The following A2ML1 variants were observed in gnomAD, a reference collection of about 807,000 sequenced individuals.
A2ML1 encodes the protein alpha-2-macroglobulin like 1.
A2ML1 carries 161 observed loss-of-function variants against 181.9 expected under a neutral mutation model. That is an observed-to-expected ratio of 0.89 (90% confidence interval 0.78 to 1.01). The LOEUF is 1.01. A2ML1 is among the 50% of genes least tolerant of loss of function. The pLI is 0.00. For synonymous variants in A2ML1, 663 were observed against 666.8 expected, an observed-to-expected ratio of 0.99 and a Z score of 0.09; for missense variants, 1,670 against 1,768.1, an observed-to-expected ratio of 0.94 and a Z score of 1.00.
chr12:8,867,888 C>T lies in A2ML1; in HGVS notation c.3764C>T (p.Ala1255Val). The T allele has an allele frequency of 6.2e-7, 1 of 1,614,238 alleles. No homozygotes were observed. The highest frequency in any genetic ancestry group is 1.1e-5 in the South Asian group (1 of 91,082). The change falls in exon 30 of 36, where the codon GCC becomes GTC. Residue 1255 changes from alanine (A) to valine (V), a missense_variant. By Grantham distance (64) the Ala-to-Val change is moderately conservative. Transcript: ENST00000299698. ...LQALAKYATT[A>V]YMPSEEINLV... ...GCTCTTGCCAAATATGCCACTACCG[C>T]CTACATGCCATCTGAGGAGATCAAC...
chr12:8,874,560 TC>T (rs1310728560), intron 34 of A2ML1, 33 bp downstream of exon 34: 2 of 1,526,100 alleles, frequency 1.3e-6, no homozygotes, highest in Non-Finnish European at 1.8e-6. Flanking sequence ...AGATCTGAGA[TC>T]TTACCTGCAT....
intron 3 of A2ML1, 137 bp downstream of exon 3, chr12:8,824,019 G>C: frequency 1.0e-6 from 1 of 974,654 alleles, no homozygotes; most frequent in Non-Finnish European, 1.4e-6. Context: ...GGGGGATTAA[G>C]TAGTGCAAGT....
Position 8,850,200 on chromosome 12 carries a change from T to A in A2ML1, c.2160T>A (p.Pro720=). 1 of 1,613,406 alleles carries A rather than the reference T, an allele frequency of 6.2e-7. No homozygotes were observed. Among genetic ancestry groups the A allele is most frequent in the Non-Finnish European group, 8.5e-7 (1 of 1,179,814 alleles). ...GHPEAFESST[P]LHQAEDSQVR... ...CAGAGGCTTTTGAGTCATCAACTCC[T>A]TTACATCAAGCAGAGGATTCTCAGG... The change falls in exon 18 of 36, where the codon CCT becomes CCA. Residue 720 remains proline (P), a synonymous_variant. Coordinates refer to ENST00000299698, the MANE Select transcript of A2ML1 (RefSeq NM_144670.6).
At chr12:8,834,625 CCTT>C in intron 4 of A2ML1, 34 bp from the exon 5 acceptor site, 1 of 1,611,920 alleles carries the variant, frequency 6.2e-7, no homozygotes, top group Non-Finnish European at 8.5e-7. Context: ...TTGCTGTCAA[CCTT>C]CTTTAACCCG....
chr12:8,860,942 G>A lies in A2ML1; in HGVS notation c.3326G>A (p.Gly1109Glu), dbSNP rs1944238769. Residue 1109 changes from glycine (G) to glutamate (E), a missense_variant, in exon 27 of 36, where the codon GGA (glycine) becomes GAA (glutamate). By Grantham distance (98) the Gly-to-Glu change is moderately conservative. Transcript: ENST00000299698. ...AYVTAALLEM[G>E]KDVDDPMVSQ... ...GTCACAGCTGCATTGCTGGAGATGG[G>A]AAAGGATGTAGATGTAAGTTCTCCT... is the stretch of plus-strand genomic sequence containing the variant. 3 of 1,613,958 alleles carry A rather than the reference G, an allele frequency of 1.9e-6. No individual in the cohort carries two copies. The highest frequency in any genetic ancestry group is 1.1e-5 in the South Asian group (1 of 91,086).
chr12:8,852,410 C>T lies in A2ML1; in HGVS notation c.2590+74C>T. ...CCAGTGACTGAGCACTCAGTCTTTT[C>T]CTCTGCCACATCTGCTTTGCTTCCT... On this transcript the variant is annotated intron_variant, in intron 20 of 35. Transcript: ENST00000299698. The surrounding 1 kb of genome is among the most constrained non-coding windows in gnomAD (Gnocchi z 4.2). 1 of 1,587,886 alleles carries T rather than the reference C, an allele frequency of 6.3e-7. No homozygotes were observed. Among genetic ancestry groups the T allele is most frequent in the Non-Finnish European group, 8.6e-7 (1 of 1,164,108 alleles).
chr12:8,836,921 C>T lies in A2ML1; in HGVS notation c.729-519C>T, dbSNP rs113039059. ...TCAGGAGAAAGAAAGATACTGTTTC[C>T]GTCCTTAGTATGGTGCTAATTGTGG... On this transcript the variant is annotated intron_variant, in intron 7 of 35. Transcript: ENST00000299698. Among the ~76,000 whole-genome samples, 811 of 152,240 alleles carry T rather than the reference C, an allele frequency of 5.3e-3. 11 individuals are homozygous for T. The highest frequency in any genetic ancestry group is 0.01 in the Middle Eastern group (3 of 294).
At chr12:8,862,445 G>A (rs1017196334) in intron 28 of A2ML1, among the ~76,000 whole-genome samples, 49 of 152,186 alleles carry the variant, frequency 3.2e-4, no homozygotes, top group African/African-American at 1.2e-3. Flanking sequence ...CAAGTGATCC[G>A]CCCCTCTTGG....
chr12:8,879,518 C>G (rs1944849554), downstream of A2ML1, among the ~76,000 whole-genome samples: 2 of 151,872 alleles, frequency 1.3e-5, no homozygotes, highest in Admixed American at 1.3e-4. Context: ...TAGTCATGAT[C>G]ATGAAAGCCC....
intron 7 of A2ML1, among the ~76,000 whole-genome samples, chr12:8,885,782 A>C (rs1944916014): frequency 6.6e-6 from 1 of 152,066 alleles, no homozygotes; most frequent in Admixed American, 6.6e-5. Context: ...TTTTTGTTTT[A>C]ATTTTATCTG....
intron 12 of A2ML1, among the ~76,000 whole-genome samples, chr12:8,844,434 A>G (rs557764804): frequency 2.0e-5 from 3 of 152,228 alleles, no homozygotes; most frequent in East Asian, 1.9e-4. Context: ...CCATTGGTCA[A>G]TATTATCAAA....
intron 18 of A2ML1, among the ~76,000 whole-genome samples, chr12:8,850,526 T>G (rs887436432): frequency 6.6e-6 from 1 of 152,000 alleles, no homozygotes; most frequent in Non-Finnish European, 1.5e-5. Flanking sequence ...TGAAGCAAGA[T>G]CACATTGCTT....
At chr12:8,832,143 CA>C (rs936258931) in intron 4 of A2ML1, among the ~76,000 whole-genome samples, 1 of 151,946 alleles carries the variant, frequency 6.6e-6, no homozygotes, top group African/African-American at 2.4e-5. Flanking sequence ...CATAGATGGT[CA>C]AAGTGAGGTT....
chr12:8,849,860 C>G (rs933753014), intron 17 of A2ML1, 101 bp downstream of exon 17: 5 of 1,080,918 alleles, frequency 4.6e-6, no homozygotes, highest in African/African-American at 3.1e-5. Flanking sequence ...GCCTCTAGCC[C>G]GAGAATGCTA....
chr12:8,839,155 A>T lies in A2ML1; in HGVS notation c.1013A>T (p.Gln338Leu). The change falls in exon 10 of 36, where the codon CAA becomes CTA. Residue 338 changes from glutamine to leucine, a missense_variant. By Grantham distance (113) the Gln-to-Leu change is moderately radical. Coordinates refer to ENST00000299698, the MANE Select transcript of A2ML1 (RefSeq NM_144670.6). ...NATQNIYISP[Q>L]MGSMTFEDTS... ...ACTCAGAATATCTACATTTCTCCAC[A>T]AATGGGATCAATGACCTTTGAAGAC... is the stretch of plus-strand genomic sequence containing the variant. 6.2e-7 allele frequency: 1 copy of T among 1,613,684 alleles called. No individual in the cohort carries two copies. The highest frequency in any genetic ancestry group is 8.5e-7 in the Non-Finnish European group (1 of 1,179,710).
At chr12:8,834,812 A>G in intron 5 of A2ML1, 130 bp downstream of exon 5, 1 of 1,109,492 alleles carries the variant, frequency 9.0e-7, no homozygotes, top group Non-Finnish European at 1.3e-6. Flanking sequence ...CCCAGCACCG[A>G]GCGCCCACAT....
chr12:8,838,616 A>G (rs1943364691), intron 9 of A2ML1, among the ~76,000 whole-genome samples, 166 bp downstream of exon 9: 1 of 152,154 alleles, frequency 6.6e-6, no homozygotes. Context: ...CTTGCCATCT[A>G]TAAGAAATAC....
In A2ML1 at chr12:8,845,423, C is replaced by A. The variant is rs755945376; in HGVS notation, c.1477-19C>A. ...TACTGTAACTTCTGTGCAGTTGATT[C>A]TTTTCTTTTCTTCTTTAGTTAATAG... is the stretch of plus-strand genomic sequence containing the variant. On this transcript the variant is annotated intron_variant, in intron 12 of 35. Coordinates refer to ENST00000299698, the MANE Select transcript of A2ML1 (RefSeq NM_144670.6). The A allele has an allele frequency of 2.5e-6, 4 of 1,613,308 alleles. No individual in the cohort carries two copies. The highest frequency in any genetic ancestry group is 8.5e-7 in the Non-Finnish European group (1 of 1,179,470).
chr12:8,875,023 C>T lies in A2ML1; in HGVS notation c.*1+11C>T, dbSNP rs371944735. 38 of 1,613,404 alleles carry T rather than the reference C, an allele frequency of 2.4e-5. No homozygotes were observed. Among genetic ancestry groups the T allele is most frequent in the South Asian group, 1.1e-4 (10 of 91,034 alleles). On this transcript the variant is annotated intron_variant, in intron 35 of 35. Transcript: ENST00000299698. The stretch of plus-strand genomic sequence containing the variant: ...ATCCCTGTGAATGAGGTAAGTCCAG[C>T]GGAGAAATGGGTGGAGTTATGGGTT...
Sources: allele counts gnomAD v4.1 joint callset (sites outside exome capture counted in the v4.1 genomes callset), GRCh38; gene constraint gnomAD v4.1.1; non-coding constraint Gnocchi (gnomAD v3.1); transcripts MANE v1.5; gene names NCBI Gene and HGNC (gene_info 2026-07-23, HGNC 2026-07-21).